GRAP2: variants seen among roughly 807,000 people sequenced by gnomAD.
GRAP2 encodes GRB2 related adaptor protein 2, also known as GRB2-related adapter protein 2.
GRAP2 carries 31 observed loss-of-function variants against 43.5 expected under a neutral mutation model. The ratio of observed to expected loss-of-function variants is 0.71; its 90% CI spans 0.54 to 0.96. GRAP2 has a LOEUF of 0.96. GRAP2 is among the 40% of genes least tolerant of loss of function. GRAP2 has a pLI of 0.00. For missense variants in GRAP2, 371 were observed against 424.4 expected, an observed-to-expected ratio of 0.87 and a Z score of 1.11; for synonymous variants, 156 against 164.8, an observed-to-expected ratio of 0.95 and a Z score of 0.41.
chr22:39,923,601 A>G (rs2066672520), intron 1 of GRAP2, among the ~76,000 whole-genome samples: 1 of 152,182 alleles, frequency 6.6e-6, no homozygotes, highest in African/African-American at 2.4e-5. Context: ...AGCCCTTAAA[A>G]CTAAGTTTGA....
chr22:39,971,025 C>A lies in GRAP2; in HGVS notation c.934C>A (p.Arg312Ser), dbSNP rs147808667. ...DSSNPSWWTG[R>S]LHNKLGLFPA... ...CTCCAACCCATCCTGGTGGACCGGC[C>A]GCCTGCACAACAAGCTGGGCCTCTT... The change falls in exon 8 of 8, where the codon CGC becomes AGC. Residue 312 changes from arginine (R) to serine (S), a missense_variant. Arg to Ser is a moderately radical substitution (Grantham distance 110). Coordinates refer to ENST00000344138, the MANE Select transcript of GRAP2 (RefSeq NM_004810.4). 1 of 1,613,688 alleles carries A rather than the reference C, an allele frequency of 6.2e-7. No homozygotes were observed. Among genetic ancestry groups the A allele is most frequent in the Non-Finnish European group, 8.5e-7 (1 of 1,179,872 alleles).
At chr22:39,909,827 G>A (rs1014423391) in intron 1 of GRAP2, among the ~76,000 whole-genome samples, 9 of 152,172 alleles carry the variant, frequency 5.9e-5, no homozygotes, top group African/African-American at 2.2e-4. Flanking sequence ...TAGCAAGCAG[G>A]CATCAATGCA....
intron 2 of GRAP2, among the ~76,000 whole-genome samples, chr22:39,953,128 A>G (rs2067005700): frequency 6.6e-6 from 1 of 152,128 alleles, no homozygotes; most frequent in South Asian, 2.1e-4. Flanking sequence ...AAGAAGCCCA[A>G]GGGCCCTGTG....
intron 1 of GRAP2, among the ~76,000 whole-genome samples, chr22:39,918,904 G>C (rs1021815576): frequency 2.7e-4 from 41 of 152,246 alleles, no homozygotes; most frequent in Admixed American, 2.2e-3. Context: ...TAGTTAAAAG[G>C]CAATAAAGGC....
intron 1 of GRAP2, among the ~76,000 whole-genome samples, chr22:39,904,342 C>T (rs2066510418): frequency 6.6e-6 from 1 of 152,076 alleles, no homozygotes; most frequent in Non-Finnish European, 1.5e-5. Context: ...GAGCTGAGAT[C>T]GTGCCACTGC....
At chr22:39,923,013 G>A (rs2066666641) in intron 1 of GRAP2, among the ~76,000 whole-genome samples, 1 of 150,832 alleles carries the variant, frequency 6.6e-6, no homozygotes, top group African/African-American at 2.5e-5. Flanking sequence ...CTGTACTCCA[G>A]CCTGGGCGAC....
chr22:39,940,228 C>T (rs1305673701), intron 1 of GRAP2, among the ~76,000 whole-genome samples: 1 of 152,132 alleles, frequency 6.6e-6, no homozygotes, highest in African/African-American at 2.4e-5. Flanking sequence ...AGAAGGGTAA[C>T]ATTTCCAACA....
chr22:39,911,287 G>A (rs558125171), intron 1 of GRAP2, among the ~76,000 whole-genome samples: 340 of 152,182 alleles, frequency 2.2e-3, no homozygotes, highest in African/African-American at 8.0e-3. Context: ...AACATCACGT[G>A]ATGGTCAGTA....
At chr22:39,948,477 A>G (rs1323423745) in intron 2 of GRAP2, 2 of 151,738 alleles carry the variant, frequency 1.3e-5, no homozygotes, top group African/African-American at 4.8e-5. Flanking sequence ...TACAAAGAGA[A>G]CCTGGTATCT....
chr22:39,962,290 C>T (rs75550107), intron 4 of GRAP2, among the ~76,000 whole-genome samples: 24 of 152,024 alleles, frequency 1.6e-4, no homozygotes, highest in African/African-American at 5.8e-4. Flanking sequence ...AGTGCAGTGG[C>T]GCATGCCTGT....
chr22:39,909,864 A>T (rs751830190), intron 1 of GRAP2, among the ~76,000 whole-genome samples: 23 of 152,338 alleles, frequency 1.5e-4, no homozygotes, highest in African/African-American at 5.5e-4. Flanking sequence ...CTTCAAGGAA[A>T]TCATAGGAGA....
chr22:39,942,073 G>C (rs755367032), intron 1 of GRAP2, among the ~76,000 whole-genome samples: 1 of 152,082 alleles, frequency 6.6e-6, no homozygotes, highest in South Asian at 2.1e-4. Context: ...TTTATAAAGC[G>C]ATTCACCACA....
At chr22:39,932,637 G>A (rs1478209740) in intron 1 of GRAP2, among the ~76,000 whole-genome samples, 3 of 147,504 alleles carry the variant, frequency 2.0e-5, no homozygotes, top group Non-Finnish European at 3.0e-5. Context: ...AGAATCACTT[G>A]AACCTGGGAG....
At chr22:39,951,660 G>A (rs532718662) in intron 2 of GRAP2, among the ~76,000 whole-genome samples, 19 of 151,590 alleles carry the variant, frequency 1.3e-4, no homozygotes, top group Non-Finnish European at 2.4e-4. Flanking sequence ...CCTTGCTCAG[G>A]TTTACACGAT....
At chr22:39,966,930 G>A (rs1275289567) in intron 5 of GRAP2, among the ~76,000 whole-genome samples, 1 of 151,966 alleles carries the variant, frequency 6.6e-6, no homozygotes, top group Non-Finnish European at 1.5e-5. Context: ...ACCAGAGTCT[G>A]GTCCATATTA....
At chr22:39,929,261 A>G (rs575501053) in intron 1 of GRAP2, among the ~76,000 whole-genome samples, 1 of 152,318 alleles carries the variant, frequency 6.6e-6, no homozygotes, top group African/African-American at 2.4e-5. Flanking sequence ...TTCCTGAGAG[A>G]CAGAGGGAAA....
At chr22:39,908,198 G>T (rs2066536086) in intron 1 of GRAP2, among the ~76,000 whole-genome samples, 1 of 152,238 alleles carries the variant, frequency 6.6e-6, no homozygotes, top group South Asian at 2.1e-4. Flanking sequence ...GACCTTTTCT[G>T]CCATAGATGG....
intron 1 of GRAP2, among the ~76,000 whole-genome samples, chr22:39,914,045 A>G (rs1378097504): frequency 6.6e-6 from 1 of 152,124 alleles, no homozygotes; most frequent in Non-Finnish European, 1.5e-5. Context: ...TGTTGCCCTG[A>G]GAGTCTCTCC....
At chr22:39,910,169 C>T (rs1461924206) in intron 1 of GRAP2, among the ~76,000 whole-genome samples, 1 of 152,180 alleles carries the variant, frequency 6.6e-6, no homozygotes, top group Non-Finnish European at 1.5e-5. Flanking sequence ...AGGGCCTCCC[C>T]TAAGTCACGG....
Sources: allele counts gnomAD v4.1 joint callset (sites outside exome capture counted in the v4.1 genomes callset), GRCh38; gene constraint gnomAD v4.1.1; transcripts MANE v1.5; gene names NCBI Gene and HGNC (gene_info 2026-07-23, HGNC 2026-07-21).